The following UNC13C variants were observed in gnomAD, a reference collection of about 807,000 sequenced individuals.
The protein encoded by UNC13C is unc-13 homolog C.
In UNC13C, 174 loss-of-function variants were observed where a neutral mutation model predicts 245.4. That is an observed-to-expected ratio of 0.71 (90% CI 0.63 to 0.80). UNC13C has a LOEUF of 0.80. Ranked by LOEUF, UNC13C falls within the 30% of genes least tolerant of loss-of-function variation. The pLI is 0.00. For missense variants in UNC13C, 2,829 were observed against 2,602.9 expected (o/e 1.09, Z -1.89); for synonymous variants, 992 against 895.1 (o/e 1.11, Z -1.93).
chr15:54,379,990 G>A (rs947774789), intron 17 of UNC13C, among the ~76,000 whole-genome samples: 1 of 152,038 alleles, frequency 6.6e-6, no homozygotes, highest in African/African-American at 2.4e-5. Flanking sequence ...TCTATGGTGA[G>A]AACAATTTAT....
At chr15:54,448,027 A>G (rs916392634) in intron 19 of UNC13C, among the ~76,000 whole-genome samples, 5 of 152,054 alleles carry the variant, frequency 3.3e-5, no homozygotes, top group African/African-American at 1.2e-4. Flanking sequence ...TCATTTCGTT[A>G]TGTACCCAGT....
intron 2 of UNC13C, among the ~76,000 whole-genome samples, chr15:54,043,240 C>T (rs551618565): frequency 6.6e-5 from 10 of 152,156 alleles, no homozygotes; most frequent in African/African-American, 2.4e-4. Flanking sequence ...CAGCCTTGAG[C>T]AACATGTCAA....
At chr15:54,148,870 A>G (rs951251636) in intron 4 of UNC13C, among the ~76,000 whole-genome samples, 2 of 152,184 alleles carry the variant, frequency 1.3e-5, no homozygotes, top group African/African-American at 2.4e-5. Context: ...AAATATTAAG[A>G]AAATGACAGC....
At chr15:54,066,807 A>G (rs1898097233) in intron 2 of UNC13C, among the ~76,000 whole-genome samples, 1 of 152,184 alleles carries the variant, frequency 6.6e-6, no homozygotes, top group South Asian at 2.1e-4. Context: ...TGTTAGTGCT[A>G]AGATGTCCAT....
chr15:53,862,512 A>T, the UNC13C span, among the ~76,000 whole-genome samples: 7 of 152,258 alleles, frequency 4.6e-5, no homozygotes, highest in South Asian at 1.2e-3. Flanking sequence ...ATGTTTAAGA[A>T]TGCTATTATT....
intron 17 of UNC13C, among the ~76,000 whole-genome samples, chr15:54,374,159 G>A (rs1259253423): frequency 2.0e-5 from 3 of 152,158 alleles, no homozygotes; most frequent in Admixed American, 1.3e-4. Flanking sequence ...GAGGAAGTGT[G>A]TTCTAATTAG....
intron 2 of UNC13C, among the ~76,000 whole-genome samples, chr15:54,113,441 C>G (rs2141179285): frequency 6.6e-6 from 1 of 152,268 alleles, no homozygotes; most frequent in Non-Finnish European, 1.5e-5. Flanking sequence ...GGTCAGATAT[C>G]TGCAGCTGTA....
At chr15:53,947,485 A>G in the UNC13C span, 3 of 152,290 alleles carry the variant, frequency 2.0e-5, no homozygotes, top group South Asian at 4.1e-4. Flanking sequence ...TTGAAGTTCA[A>G]TTCCTTTTGC....
Position 54,532,948 on chromosome 15 carries a change from C to T in UNC13C, c.5578C>T (p.Gln1860Ter). The T allele has an allele frequency of 6.3e-7, 1 of 1,579,768 alleles. No homozygotes were observed. The highest frequency in any genetic ancestry group is 8.6e-7 in the Non-Finnish European group (1 of 1,156,440). The stretch of plus-strand genomic sequence containing the variant: ...GGTTATAATTGAAGAGTGTATAAAA[C>T]AGATGAGTTTCGAACTAAATCAAAT... ...FQVIIEECIK[Q>*]MSFELNQMRA... The change falls in exon 26 of 33, where the codon CAG becomes TAG. Residue 1860 changes from glutamine (Q) to a stop codon, truncating the protein, a stop_gained. Transcript: ENST00000260323. LOFTEE classifies it high-confidence loss of function.
intron 19 of UNC13C, among the ~76,000 whole-genome samples, chr15:54,454,824 T>TCATA (rs943084892): frequency 5.3e-5 from 8 of 151,980 alleles, no homozygotes; most frequent in African/African-American, 1.9e-4. Context: ...ATTCATTCAT[T>TCATA]CATTCATTCA....
chr15:54,164,995 G>A (rs1052370444), intron 4 of UNC13C, among the ~76,000 whole-genome samples: 2 of 152,042 alleles, frequency 1.3e-5, no homozygotes, highest in East Asian at 3.8e-4. Flanking sequence ...TATATCCAGA[G>A]GTAAGTAGAG....
intron 8 of UNC13C, among the ~76,000 whole-genome samples, chr15:54,252,949 G>A (rs545435011): frequency 6.6e-5 from 10 of 152,096 alleles, no homozygotes; most frequent in East Asian, 1.9e-4. Flanking sequence ...TACCCATTAC[G>A]CCATATCTTA....
intron 4 of UNC13C, among the ~76,000 whole-genome samples, chr15:54,224,816 A>G (rs1318728052): frequency 2.0e-5 from 3 of 152,112 alleles, no homozygotes; most frequent in South Asian, 2.1e-4. Context: ...TGCAGCTTCA[A>G]TCTCACTACT....
chr15:53,850,330 A>G, the UNC13C span, among the ~76,000 whole-genome samples: 1 of 152,122 alleles, frequency 6.6e-6, no homozygotes, highest in Non-Finnish European at 1.5e-5. Context: ...CAGGAGGATC[A>G]CTTGAACCCC....
rs758556084 is a variant in UNC13C at position 54,014,189 on chromosome 15, G to A, written c.1286G>A (p.Ser429Asn). The A allele has an allele frequency of 2.5e-6, 4 of 1,613,754 alleles. No homozygotes were observed. The highest frequency in any genetic ancestry group is 4.5e-5 in the East Asian group (2 of 44,886). Residue 429 changes from serine (S) to asparagine (N), a missense_variant, in exon 2 of 33, where the codon AGC becomes AAC. Physicochemically the swap from Ser to Asn is conservative, Grantham distance 46 (BLOSUM62 1). Transcript: ENST00000260323. ...KGIPSSQTYE[S>N]MAIKLSTPEP... ...ATACCATCCTCCCAGACATATGAGA[G>A]CATGGCTATAAAGTTGTCTACTCCA...
intron 16 of UNC13C, among the ~76,000 whole-genome samples, chr15:54,335,052 G>T (rs1479677435): frequency 6.6e-6 from 1 of 152,118 alleles, no homozygotes; most frequent in East Asian, 1.9e-4. Flanking sequence ...ACCTACCCCA[G>T]TAGGTACTTC....
intron 7 of UNC13C, among the ~76,000 whole-genome samples, chr15:54,248,471 A>G (rs1193601798): frequency 6.6e-6 from 1 of 152,182 alleles, no homozygotes; most frequent in Admixed American, 6.5e-5. Context: ...GAGGAGGCAA[A>G]GGTGAATAAT....
chr15:54,207,608 C>T (rs2034756550), intron 4 of UNC13C, among the ~76,000 whole-genome samples: 1 of 152,008 alleles, frequency 6.6e-6, no homozygotes, highest in Non-Finnish European at 1.5e-5. Context: ...CTGAAGTACC[C>T]ATTAAAGATA....
Position 54,407,940 on chromosome 15 carries a change from A to G in UNC13C, c.4848-7042A>G, listed in dbSNP as rs143702335. 7.3e-3 allele frequency among the ~76,000 whole-genome samples: 1,111 copies of G among 152,100 alleles called. 17 individuals are homozygous for G. Among genetic ancestry groups the G allele is most frequent in the Admixed American group, 0.04 (618 of 15,278 alleles). ...GAATGGGCGGGGTGCGGTGGCTCAC[A>G]CCTGTAATCCCAGCATTTTGGGAGG... On this transcript the variant is annotated intron_variant, in intron 18 of 32. Transcript: ENST00000260323.
Sources: allele counts gnomAD v4.1 joint callset (sites outside exome capture counted in the v4.1 genomes callset), GRCh38; gene constraint gnomAD v4.1.1; transcripts MANE v1.5; gene names NCBI Gene and HGNC (gene_info 2026-07-23, HGNC 2026-07-21).